Variants in PSD observed in about 807,000 individuals in gnomAD.
The protein encoded by PSD is PH and SEC7 domain-containing protein 1.
PSD carries 32 observed loss-of-function variants against 91.6 expected under a neutral mutation model. That is an observed-to-expected ratio of 0.35 (90% CI 0.26 to 0.47). PSD has a LOEUF of 0.47. PSD is among the 20% of genes least tolerant of loss of function. PSD has a pLI of 1.00. For synonymous variants in PSD, 532 were observed against 569.3 expected (o/e 0.93, Z 0.93); for missense variants, 1,099 against 1,373.9 (o/e 0.80, Z 3.16).
chr10:102,403,905 G>T lies in PSD; in HGVS notation c.2781C>A (p.Gly927=). The change falls in exon 16 of 17, where the codon GGC becomes GGA. Residue 927 remains glycine (G), a synonymous_variant. Coordinates refer to ENST00000020673, the MANE Select transcript of PSD (RefSeq NM_002779.5). The surrounding 1 kb of genome is among the most constrained non-coding windows in gnomAD (Gnocchi z 6.7). ...CAGCCTCCTTGCCCCGGCCCTTCTT[G>T]CCCAGCTGGGCGGCCCGGTGCTCCC... ...ELREHRAAQL[G]KKGRGKEAEE... 1 of 1,601,814 alleles carries T rather than the reference G, an allele frequency of 6.2e-7. No homozygotes were observed. Among genetic ancestry groups the T allele is most frequent in the Non-Finnish European group, 8.5e-7 (1 of 1,174,208 alleles).
In PSD at chr10:102,410,419, C is replaced by T. The variant is rs2061413095; in HGVS notation, c.2091+439G>A. Among the ~76,000 whole-genome samples, 1 of 152,234 alleles carries T rather than the reference C, an allele frequency of 6.6e-6. No homozygotes were observed. The highest frequency in any genetic ancestry group is 2.1e-4 in the South Asian group (1 of 4,836). On this transcript the variant is annotated intron_variant, in intron 10 of 16. Transcript: ENST00000020673. This position sits in a 1 kb window ranked among gnomAD's most constrained non-coding sequence, Gnocchi z 6.0. ...CTCAGGCCCCTCTCCCTCCGGGTTCCTGCAGCGCAGCAGCACCGGGAAGGT... is the reference window on the plus strand; with the variant it reads ...CTCAGGCCCCTCTCCCTCCGGGTTCTTGCAGCGCAGCAGCACCGGGAAGGT...
At position 102,416,423 on chromosome 10, in the gene PSD, G is replaced by A. The variant is rs200710080; in HGVS notation, c.616C>T (p.Leu206Phe). 6.8e-6 allele frequency: 11 copies of A among 1,610,004 alleles called. No individual in the cohort carries two copies. In the African/African-American group the frequency reaches 1.3e-4, roughly 20 times the overall value. The stretch of plus-strand genomic sequence containing the variant: ...CCAGTGTCAGCAGGTCCTCCGAAGA[G>A]TGTGGCCAGGCGCTCAGGGGGGCCC... ...LGGPPERLAT[L>F]FGGPADTGFL... is the part of the protein sequence containing the mutation. The change falls in exon 2 of 17, where the codon CTC (leucine) becomes TTC (phenylalanine). Residue 206 changes from leucine (L) to phenylalanine (F), a missense_variant. Physicochemically the swap from Leu to Phe is conservative, Grantham distance 22 (BLOSUM62 0). Coordinates refer to ENST00000020673, the MANE Select transcript of PSD (RefSeq NM_002779.5). This position sits in a 1 kb window ranked among gnomAD's most constrained non-coding sequence, Gnocchi z 6.0.
chr10:102,407,353 G>A, intron 10 of PSD, 87 bp from the exon 11 acceptor site: 1 of 852,578 alleles, frequency 1.2e-6, no homozygotes, highest in Non-Finnish European at 1.7e-6. Flanking sequence ...CTTGAGAGAT[G>A]AGCCAGAACT....
chr10:102,411,296 C>CCCTCTTCTCAGGACCT lies in PSD; in HGVS notation c.1943-181_1943-180insAGGTCCTGAGAAGAGG, dbSNP rs1217480363. ...TCCAGCAGATCCGTCAGCAAGGACC[C>CCCTCTTCTCAGGACCT]GTCCCTGGCTCCCTCAAGTACTGAG... is the stretch of plus-strand genomic sequence containing the variant. On this transcript the variant is annotated intron_variant, in intron 8 of 16. Coordinates refer to ENST00000020673, the MANE Select transcript of PSD (RefSeq NM_002779.5). Among the ~76,000 whole-genome samples, 11 of 3,152 alleles carry CCCTCTTCTCAGGACCT rather than the reference C, an allele frequency of 3.5e-3. 1 individual carries two copies. The East Asian group carries it at 0.11, about 32-fold the overall frequency. The allele number at this position is 3,152 out of a possible 152,430, so 2.1% of individuals were successfully genotyped here. A position where few individuals can be genotyped will look rare whatever the true frequency, so the allele number is the denominator to read the frequency against.
rs2061416459 is a variant in PSD, at chr10:102,410,700, G to A, written c.2091+158C>T. On this transcript the variant is annotated intron_variant, in intron 10 of 16. Transcript: ENST00000020673. This position sits in a 1 kb window ranked among gnomAD's most constrained non-coding sequence, Gnocchi z 6.0. ...GCCTGCGCGTGGGGCCTGGGGAGGG[G>A]GCGGTCCCCAGGCTGAGTCACGAGA... Among the ~76,000 whole-genome samples, 1 of 152,202 alleles carries A rather than the reference G, an allele frequency of 6.6e-6. No homozygotes were observed. Among genetic ancestry groups the A allele is most frequent in the South Asian group, 2.1e-4 (1 of 4,836 alleles).
chr10:102,414,243 G>T lies in PSD; in HGVS notation c.1125-46C>A. The T allele has an allele frequency of 6.7e-7, 1 of 1,500,110 alleles. No homozygotes were observed. 92.9% of individuals were successfully genotyped at this position (1,500,110 alleles called of 1,614,324 possible). On this transcript the variant is annotated intron_variant, in intron 4 of 16. Coordinates refer to ENST00000020673, the MANE Select transcript of PSD (RefSeq NM_002779.5). This position sits in a 1 kb window ranked among gnomAD's most constrained non-coding sequence, Gnocchi z 5.6. Reference sequence around the variant, plus strand: ...TCTGATTAGGGGCCCAGATCACAGGGCTGGGGCAGGATTTCACTGAACTCT... The same window carrying T: ...TCTGATTAGGGGCCCAGATCACAGGTCTGGGGCAGGATTTCACTGAACTCT...
chr10:102,417,666 A>G (rs1032522469), intron 1 of PSD, among the ~76,000 whole-genome samples: 1 of 149,854 alleles, frequency 6.7e-6, no homozygotes, highest in Non-Finnish European at 1.5e-5. Context: ...AGAGGCTCCT[A>G]CCCCCAATAT....
In PSD at chr10:102,412,593, C is replaced by G. The variant is rs376560224; in HGVS notation, c.1554-18G>C. On this transcript the variant is annotated intron_variant, in intron 5 of 16. Transcript: ENST00000020673. ...GTGGTTCGCTGCCGGGGTAGAACAC[C>G]AGCTCAGGCTGGGGCAGGGTCCTTA... 24 of 1,600,856 alleles carry G rather than the reference C, an allele frequency of 1.5e-5. No homozygotes were observed. The African/African-American group carries it at 2.3e-4, about 15-fold the overall frequency.
chr10:102,417,063 G>A lies in PSD; in HGVS notation c.-25C>T. 1.3e-6 allele frequency: 2 copies of A among 1,488,988 alleles called. No individual in the cohort carries two copies. The highest frequency in any genetic ancestry group is 1.8e-6 in the Non-Finnish European group (2 of 1,109,122). 92.2% of individuals were successfully genotyped at this position (1,488,988 alleles called of 1,614,324 possible). ...TGCTGGGGCCGGGGGTCAGGCTGGG[G>A]GGGCAGGGATGGCGAGGCCAGGCGG... On this transcript the variant is annotated 5_prime_UTR_variant, in exon 2 of 17. Coordinates refer to ENST00000020673, the MANE Select transcript of PSD (RefSeq NM_002779.5).
chr10:102,416,289 G>T lies in PSD; in HGVS notation c.654+96C>A. 7.0e-7 allele frequency: 1 copy of T among 1,420,090 alleles called. No homozygotes were observed. Among genetic ancestry groups the T allele is most frequent in the South Asian group, 1.3e-5 (1 of 76,542 alleles). The allele number at this position is 1,420,090 out of a possible 1,614,324, so 88.0% of individuals were successfully genotyped here. On this transcript the variant is annotated intron_variant, in intron 2 of 16. Transcript: ENST00000020673. The surrounding 1 kb of genome is among the most constrained non-coding windows in gnomAD (Gnocchi z 6.0). ...AGAGGCAGATTTAGAACAGATTAAA[G>T]GATTCAGAGTGAACAGCAGACAAGC...
rs760333139 is a variant in PSD, at chr10:102,412,127, T to C, written c.1829+20A>G. On this transcript the variant is annotated intron_variant, in intron 7 of 16. Coordinates refer to ENST00000020673, the MANE Select transcript of PSD (RefSeq NM_002779.5). The stretch of plus-strand genomic sequence containing the variant: ...GAACCCCGGAGAGTGGGGGCTGTCC[T>C]CCAAGGGGTCAACACCCACCTGAGA... 3.1e-6 allele frequency: 5 copies of C among 1,611,416 alleles called. No individual in the cohort carries two copies. In the East Asian group the frequency reaches 6.7e-5, roughly 22 times the overall value.
chr10:102,417,384 A>C lies in PSD; in HGVS notation c.-83-263T>G, dbSNP rs2061493833. Among the ~76,000 whole-genome samples the C allele has an allele frequency of 2.0e-5, 3 of 152,168 alleles. No homozygotes were observed. The South Asian group carries it at 6.2e-4, about 32-fold the overall frequency. On this transcript the variant is annotated intron_variant, in intron 1 of 16. Coordinates refer to ENST00000020673, the MANE Select transcript of PSD (RefSeq NM_002779.5). ...TCACCCTGGGAGGAGAGAGGAAGCA[A>C]CTTCAAAGTTGAGTGAGCCCGGAGT...
At position 102,412,362 on chromosome 10, in the gene PSD, C is replaced by T; in HGVS notation, c.1748+19G>A. The stretch of plus-strand genomic sequence containing the variant: ...CATTCCCTCTGCCCCCATCCTCAGT[C>T]CCAGCCTAGTGGCTTTACTTCTTGC... On this transcript the variant is annotated intron_variant, in intron 6 of 16. Transcript: ENST00000020673. 6 of 1,612,820 alleles carry T rather than the reference C, an allele frequency of 3.7e-6. No homozygotes were observed. The highest frequency in any genetic ancestry group is 5.1e-6 in the Non-Finnish European group (6 of 1,178,940).
intron 11 of PSD, among the ~76,000 whole-genome samples, chr10:102,406,473 C>T (rs1381387270): frequency 1.3e-5 from 2 of 152,032 alleles, no homozygotes; most frequent in Non-Finnish European, 2.9e-5. Flanking sequence ...TAGACTCTTC[C>T]AAGACTTACT....
chr10:102,405,335 CG>C lies in PSD; in HGVS notation c.2326+10del. ...CCCTAGACGCCCGCCCCCCGCAACT[CG>C]GCCACATACTCTTCCTGCAGTCAGG... On this transcript the variant is annotated intron_variant, in intron 12 of 16. Coordinates refer to ENST00000020673, the MANE Select transcript of PSD (RefSeq NM_002779.5). The surrounding 1 kb of genome is among the most constrained non-coding windows in gnomAD (Gnocchi z 5.4). 2 of 1,608,640 alleles carry C rather than the reference CG, an allele frequency of 1.2e-6. No homozygotes were observed. Among genetic ancestry groups the C allele is most frequent in the Admixed American group, 1.7e-5 (1 of 59,962 alleles).
At position 102,412,138 on chromosome 10, in the gene PSD, A is replaced by G. The variant is rs1407073470; in HGVS notation, c.1829+9T>C. 2 of 1,613,580 alleles carry G rather than the reference A, an allele frequency of 1.2e-6. No individual in the cohort carries two copies. The highest frequency in any genetic ancestry group is 2.2e-5 in the South Asian group (2 of 91,068). ...AGTGGGGGCTGTCCTCCAAGGGGTCAACACCCACCTGAGAGCTTGGTCCAG... is the reference window on the plus strand; with the variant it reads ...AGTGGGGGCTGTCCTCCAAGGGGTCGACACCCACCTGAGAGCTTGGTCCAG... On this transcript the variant is annotated intron_variant, in intron 7 of 16. Transcript: ENST00000020673.
chr10:102,412,349 C>T (rs774895649), intron 6 of PSD, 32 bp downstream of exon 6: 8 of 1,611,954 alleles, frequency 5.0e-6, no homozygotes, highest in Non-Finnish European at 5.9e-6. Context: ...TTCCCTCTGC[C>T]CCCATCCTCA....
intron 7 of PSD, 81 bp downstream of exon 7, chr10:102,412,066 G>T: frequency 7.1e-7 from 1 of 1,404,596 alleles, no homozygotes; most frequent in Non-Finnish European, 1.0e-6. Flanking sequence ...GTGGGGGACA[G>T]AGGGGCTCAA....
chr10:102,406,412 G>A (rs1189357371), intron 11 of PSD, among the ~76,000 whole-genome samples: 2 of 152,144 alleles, frequency 1.3e-5, no homozygotes, highest in Non-Finnish European at 2.9e-5. Context: ...TCTACCCTCA[G>A]ACTGGGGACC....
Sources: allele counts gnomAD v4.1 joint callset (sites outside exome capture counted in the v4.1 genomes callset), GRCh38; gene constraint gnomAD v4.1.1; non-coding constraint Gnocchi (gnomAD v3.1); transcripts MANE v1.5; gene names NCBI Gene and HGNC (gene_info 2026-07-23, HGNC 2026-07-21).